Variants in CDC14B observed in about 807,000 individuals in gnomAD.
The protein encoded by CDC14B is cell division cycle 14B, also known as dual specificity protein phosphatase CDC14B.
In CDC14B, 22 loss-of-function variants were observed where a neutral mutation model predicts 64.2. That is an observed-to-expected ratio of 0.34 (90% CI 0.24 to 0.49). The LOEUF is 0.49. Ranked by LOEUF, CDC14B falls within the 20% of genes least tolerant of loss-of-function variation. CDC14B has a pLI of 0.99. For missense variants in CDC14B, 498 were observed against 629.9 expected (o/e 0.79, Z 2.24); for synonymous variants, 191 against 215.8 (o/e 0.89, Z 1.01).
At chr9:96,604,350 TATTA>T (rs1846717064) in intron 1 of CDC14B, among the ~76,000 whole-genome samples, 2 of 96,954 alleles carry the variant, frequency 2.1e-5, no homozygotes, top group African/African-American at 1.3e-4. Flanking sequence ...CATTTATTAT[TATTA>T]TTATTATTAT....
At chr9:96,499,732 G>A (rs999528095), downstream of CDC14B, among the ~76,000 whole-genome samples, 1 of 152,210 alleles carries the variant, frequency 6.6e-6, no homozygotes, top group African/African-American at 2.4e-5. Context: ...GGACTTTAAC[G>A]ACGTGGTGAA....
At chr9:96,603,771 G>C (rs1846665997) in intron 1 of CDC14B, among the ~76,000 whole-genome samples, 1 of 152,140 alleles carries the variant, frequency 6.6e-6, no homozygotes, top group South Asian at 2.1e-4. Flanking sequence ...AAAATGAAAA[G>C]ACACTGCGCA....
downstream of CDC14B, among the ~76,000 whole-genome samples, chr9:96,495,953 T>G (rs775154171): frequency 1.8e-4 from 28 of 152,186 alleles, no homozygotes; most frequent in African/African-American, 6.8e-4. Flanking sequence ...GACCCATCGA[T>G]GCAGCCTTCA....
At position 96,564,834 on chromosome 9, in the gene CDC14B, T is replaced by C. The variant is rs868360542; in HGVS notation, c.270A>G (p.Gly90=). Residue 90 remains glycine (G), a synonymous_variant, in exon 3 of 14, where the codon GGA becomes GGG. Transcript: ENST00000375241. ...LEYENFYADF[G]PLNLAMVYRY... The stretch of plus-strand genomic sequence containing the variant: ...TGTAAACCATTGCCAGATTGAGTGG[T>C]CCAAAATCTGCGTAGAAGCTTTAAA... The C allele has an allele frequency of 1.9e-6, 3 of 1,603,458 alleles. No homozygotes were observed.
chr9:96,600,381 C>T (rs1846355109), intron 1 of CDC14B, among the ~76,000 whole-genome samples: 2 of 151,968 alleles, frequency 1.3e-5, no homozygotes, highest in South Asian at 2.1e-4. Flanking sequence ...AGAGGCTCTT[C>T]ACTTTATACT....
chr9:96,613,312 T>C (rs550457431), intron 1 of CDC14B, among the ~76,000 whole-genome samples: 1 of 152,320 alleles, frequency 6.6e-6, no homozygotes, highest in South Asian at 2.1e-4. Context: ...CACAGTGTGG[T>C]TTCAGTCCAG....
chr9:96,533,723 A>T (rs184087184), intron 9 of CDC14B, among the ~76,000 whole-genome samples: 7 of 152,378 alleles, frequency 4.6e-5, no homozygotes, highest in Non-Finnish European at 1.0e-4. Flanking sequence ...ATGAATAAAT[A>T]AATGCATTTC....
chr9:96,522,577 T>C lies in CDC14B; in HGVS notation c.1272A>G (p.Gly424=). ...CCCGAAGTCTATCACCTTGTGTCAC[T>C]CCATTGATTTCGTCATCATCACTGT... The part of the protein sequence containing the change: ...EPYSDDDEIN[G]VTQGDRLRAL... The change falls in exon 12 of 14, where the codon GGA becomes GGG. Residue 424 remains glycine (G), a synonymous_variant. Coordinates refer to ENST00000375241, the MANE Select transcript of CDC14B (RefSeq NM_033331.4). The C allele has an allele frequency of 6.2e-7, 1 of 1,612,594 alleles. No individual in the cohort carries two copies. Among genetic ancestry groups the C allele is most frequent in the Non-Finnish European group, 8.5e-7 (1 of 1,178,574 alleles).
At chr9:96,581,088 G>C (rs1845120533) in intron 1 of CDC14B, among the ~76,000 whole-genome samples, 1 of 152,078 alleles carries the variant, frequency 6.6e-6, no homozygotes, top group African/African-American at 2.4e-5. Context: ...AAATTAGCCA[G>C]GCATGGTGGC....
intron 13 of CDC14B, among the ~76,000 whole-genome samples, chr9:96,507,313 A>G (rs1834277455): frequency 1.4e-5 from 2 of 147,384 alleles, no homozygotes; most frequent in Non-Finnish European, 1.5e-5. Context: ...TGTCAAAGGA[A>G]AAAAAAAAAA....
At position 96,619,417 on chromosome 9, in the gene CDC14B, CCCCGCGCG is replaced by C. The variant is rs1046499066; in HGVS notation, c.-47_-40del. Reference sequence around the variant, plus strand: ...GCCCGTCAGGGGGCCACGACCATGGCCCCGCGCGCCCGCGCGCCCGCCGAGGCTCCCGC... The same window carrying C: ...GCCCGTCAGGGGGCCACGACCATGGCCCCGCGCGCCCGCCGAGGCTCCCGC... On this transcript the variant is annotated 5_prime_UTR_variant, in exon 1 of 14. An upstream open reading frame in the 5' UTR gains an earlier in-frame stop. Coordinates refer to ENST00000375241, the MANE Select transcript of CDC14B (RefSeq NM_033331.4). The C allele has an allele frequency of 2.3e-4, 255 of 1,123,166 alleles. No homozygotes were observed. The African/African-American group carries it at 3.0e-3, about 13-fold the overall frequency. 69.6% of individuals were successfully genotyped at this position (1,123,166 alleles called of 1,614,324 possible). A position where few individuals can be genotyped will look rare whatever the true frequency, so the allele number is the denominator to read the frequency against.
chr9:96,577,234 G>C (rs1844867434), intron 1 of CDC14B, among the ~76,000 whole-genome samples: 1 of 144,942 alleles, frequency 6.9e-6, no homozygotes, highest in African/African-American at 2.7e-5. Context: ...CTGGGTGACA[G>C]AGCGAGACTC....
At chr9:96,545,893 C>T (rs1840749219) in intron 5 of CDC14B, among the ~76,000 whole-genome samples, 2 of 152,112 alleles carry the variant, frequency 1.3e-5, no homozygotes, top group Non-Finnish European at 2.9e-5. Flanking sequence ...TTAGACACAC[C>T]CACATCACAT....
intron 5 of CDC14B, among the ~76,000 whole-genome samples, chr9:96,547,161 T>C (rs575817632): frequency 3.3e-5 from 5 of 151,804 alleles, no homozygotes; most frequent in Admixed American, 3.3e-4. Flanking sequence ...GTGTTTGTTT[T>C]TTTTTTAAGA....
At chr9:96,578,971 C>T (rs945864894) in intron 1 of CDC14B, among the ~76,000 whole-genome samples, 12 of 151,642 alleles carry the variant, frequency 7.9e-5, no homozygotes, top group Admixed American at 7.2e-4. Flanking sequence ...GCATGTGCCA[C>T]CAAGCCCGGC....
intron 1 of CDC14B, among the ~76,000 whole-genome samples, chr9:96,595,916 T>A (rs1197954420): frequency 2.6e-5 from 4 of 152,192 alleles, no homozygotes; most frequent in African/African-American, 7.2e-5. Flanking sequence ...AATACTCCAT[T>A]TATTTAAAAA....
chr9:96,496,202 C>A (rs1027359252), downstream of CDC14B: 1 of 442,832 alleles, frequency 2.3e-6, no homozygotes, highest in South Asian at 1.6e-5. Context: ...ATGAGGCAGA[C>A]GCACCTGCTG....
intron 1 of CDC14B, among the ~76,000 whole-genome samples, chr9:96,603,333 T>A (rs1342825664): frequency 6.6e-6 from 1 of 152,066 alleles, no homozygotes; most frequent in Non-Finnish European, 1.5e-5. Flanking sequence ...ATGCATATAT[T>A]ACCTATTAAA....
At chr9:96,521,813 T>C (rs1470046981) in intron 12 of CDC14B, among the ~76,000 whole-genome samples, 2 of 152,058 alleles carry the variant, frequency 1.3e-5, no homozygotes. Context: ...AAGGAAGAAA[T>C]CCAATGGCAA....
Sources: allele counts gnomAD v4.1 joint callset (sites outside exome capture counted in the v4.1 genomes callset), GRCh38; gene constraint gnomAD v4.1.1; transcripts MANE v1.5; gene names NCBI Gene and HGNC (gene_info 2026-07-23, HGNC 2026-07-21).